RPGRIP1L: variants seen among roughly 807,000 people sequenced by gnomAD.
RPGRIP1L encodes the protein RPGRIP1 like, also known as protein fantom.
A neutral mutation model predicts 160.4 loss-of-function variants in RPGRIP1L; 131 were observed. The ratio of observed to expected loss-of-function variants is 0.82; its 90% CI spans 0.71 to 0.94. The LOEUF is 0.94. Among genes scored for constraint, RPGRIP1L ranks in the 40% least tolerant of loss-of-function variants. RPGRIP1L has a pLI of 0.00. For synonymous variants in RPGRIP1L, 510 were observed against 515.8 expected, an observed-to-expected ratio of 0.99 and a Z score of 0.15; for missense variants, 1,522 against 1,535.8, an observed-to-expected ratio of 0.99 and a Z score of 0.15.
intron 22 of RPGRIP1L, 69 bp downstream of exon 22, chr16:53,636,370 C>T: frequency 9.7e-7 from 1 of 1,033,378 alleles, no homozygotes; most frequent in Non-Finnish European, 1.5e-6. Context: ...TATATGAAGA[C>T]TACATATGTA....
chr16:53,624,446 A>G (rs371441687), intron 22 of RPGRIP1L, among the ~76,000 whole-genome samples: 1 of 151,978 alleles, frequency 6.6e-6, no homozygotes, highest in South Asian at 2.1e-4. Flanking sequence ...CGGGAGGCTG[A>G]GGCAGAAGAA....
intron 15 of RPGRIP1L, among the ~76,000 whole-genome samples, chr16:53,649,418 A>G (rs1353195972): frequency 6.6e-6 from 1 of 152,206 alleles, no homozygotes; most frequent in Non-Finnish European, 1.5e-5. Flanking sequence ...ACATTGGATC[A>G]AATACTCCAC....
rs768309044 is a variant in RPGRIP1L at position 53,696,347 on chromosome 16, G to A, written c.86-52C>T. ...GTGAGGTTACTTAAAATAGTCTCTA[G>A]AAACTCTTGATATTAATATAATCTC... On this transcript the variant is annotated intron_variant, in intron 2 of 26. Coordinates refer to ENST00000647211, the MANE Select transcript of RPGRIP1L (RefSeq NM_015272.5). The A allele has an allele frequency of 2.5e-6, 4 of 1,577,760 alleles. No individual in the cohort carries two copies. In the South Asian group the frequency reaches 4.4e-5, roughly 18 times the overall value.
At chr16:53,655,870 C>A (rs548158172) in intron 14 of RPGRIP1L, among the ~76,000 whole-genome samples, 290 of 152,186 alleles carry the variant, frequency 1.9e-3, no homozygotes, top group Non-Finnish European at 3.4e-3. Context: ...CTTCCTAGCA[C>A]AGGTGAGTAT....
Position 53,645,829 on chromosome 16 carries a change from T to C in RPGRIP1L, c.2479A>G (p.Thr827Ala). Residue 827 changes from threonine to alanine, a missense_variant, in exon 17 of 27, where the codon ACA becomes GCA. By Grantham distance (58) the Thr-to-Ala change is moderately conservative. Coordinates refer to ENST00000647211, the MANE Select transcript of RPGRIP1L (RefSeq NM_015272.5). ...TCATTGCTACTGGGAATGATAGCTG[T>C]ATCATGGTCTGCAAAATCAAAAAAC... ...YKFFDFADHD[T>A]AIIPSSNDPQ... 1 of 1,614,172 alleles carries C rather than the reference T, an allele frequency of 6.2e-7. No individual in the cohort carries two copies. Among genetic ancestry groups the C allele is most frequent in the Non-Finnish European group, 8.5e-7 (1 of 1,180,024 alleles).
intron 9 of RPGRIP1L, 43 bp downstream of exon 9, chr16:53,671,467 G>T: frequency 8.1e-7 from 1 of 1,240,954 alleles, no homozygotes; most frequent in Non-Finnish European, 1.2e-6. Context: ...ATATAAAAGA[G>T]CTCAAACAAG....
Position 53,600,508 on chromosome 16 carries a change from C to T in RPGRIP1L, c.*1568G>A, listed in dbSNP as rs897983933. 5 of 152,598 alleles carry T rather than the reference C, an allele frequency of 3.3e-5. No homozygotes were observed. Among genetic ancestry groups the T allele is most frequent in the African/African-American group, 1.2e-4 (5 of 41,440 alleles). The allele number at this position is 152,598 out of a possible 1,614,324, so 9.5% of individuals were successfully genotyped here. A position where few individuals can be genotyped will look rare whatever the true frequency, so the allele number is the denominator to read the frequency against. On this transcript the variant is annotated 3_prime_UTR_variant, in exon 27 of 27. Transcript: ENST00000647211. ...TGGTATAGACAGAATTTATAGATTT[C>T]TGTGGTCAGATCATACTCTACTGGT...
At chr16:53,650,419 G>C (rs1421452935) in intron 15 of RPGRIP1L, among the ~76,000 whole-genome samples, 2 of 152,118 alleles carry the variant, frequency 1.3e-5, no homozygotes, top group African/African-American at 4.8e-5. Flanking sequence ...ATATTTGCTT[G>C]TATATGCATA....
At chr16:53,699,770 G>A (rs959569594) in intron 2 of RPGRIP1L, among the ~76,000 whole-genome samples, 2 of 147,532 alleles carry the variant, frequency 1.4e-5, no homozygotes, top group African/African-American at 5.1e-5. Context: ...GTGAGCGGAG[G>A]TCGCGCCACT....
At chr16:53,636,939 T>C (rs1965871630) in intron 21 of RPGRIP1L, among the ~76,000 whole-genome samples, 1 of 117,726 alleles carries the variant, frequency 8.5e-6, no homozygotes, top group East Asian at 2.6e-4. Flanking sequence ...ACTGCAATAT[T>C]TGACACACAC....
rs2151056471 is a variant in RPGRIP1L, at chr16:53,641,023, T to C, written c.2958+10A>G. 1 of 1,577,408 alleles carries C rather than the reference T, an allele frequency of 6.3e-7. No individual in the cohort carries two copies. The highest frequency in any genetic ancestry group is 8.7e-7 in the Non-Finnish European group (1 of 1,146,550). ...TGAAAAAATCAGTATTTTCAGTGTC[T>C]ACTACTTACATCACTCTGATGTGGC... On this transcript the variant is annotated intron_variant, in intron 19 of 26. Coordinates refer to ENST00000647211, the MANE Select transcript of RPGRIP1L (RefSeq NM_015272.5).
At chr16:53,702,200 G>C (rs750676301) in intron 1 of RPGRIP1L, among the ~76,000 whole-genome samples, 1 of 152,150 alleles carries the variant, frequency 6.6e-6, no homozygotes, top group Non-Finnish European at 1.5e-5. Flanking sequence ...TTACTCAAAT[G>C]ATTCCTGCTT....
chr16:53,625,184 AC>A (rs1965013779), intron 22 of RPGRIP1L, among the ~76,000 whole-genome samples: 1 of 151,862 alleles, frequency 6.6e-6, no homozygotes, highest in South Asian at 2.1e-4. Context: ...CCCGGCCGCC[AC>A]CCCGTCTAGG....
intron 22 of RPGRIP1L, chr16:53,635,562 T>C (rs1336827805): frequency 6.6e-6 from 1 of 152,376 alleles, no homozygotes; most frequent in Non-Finnish European, 1.5e-5. Flanking sequence ...TGTGCTCACA[T>C]GATCCTCCTG....
In RPGRIP1L at chr16:53,695,331, A is replaced by G. The variant is rs777725262; in HGVS notation, c.230+820T>C. 1.7e-4 allele frequency: 116 copies of G among 702,824 alleles called. No homozygotes were observed. Among genetic ancestry groups the G allele is most frequent in the Middle Eastern group, 9.2e-4 (4 of 4,370 alleles). The allele number at this position is 702,824 out of a possible 1,614,324, so 43.5% of individuals were successfully genotyped here. A position where few individuals can be genotyped will look rare whatever the true frequency, so the allele number is the denominator to read the frequency against. ...CCAACTCAAAGTAAAAGGCCTGCACATAGCATGCCAGTGGGTTGTTGAAGT... is the reference window on the plus strand; with the variant it reads ...CCAACTCAAAGTAAAAGGCCTGCACGTAGCATGCCAGTGGGTTGTTGAAGT... On this transcript the variant is annotated intron_variant, in intron 3 of 26. Transcript: ENST00000647211.
intron 1 of RPGRIP1L, chr16:53,703,419 A>G (rs979883749): frequency 6.6e-6 from 1 of 152,404 alleles, no homozygotes; most frequent in African/African-American, 2.4e-5. Context: ...TATATAATTA[A>G]GCAAACAATA....
intron 23 of RPGRIP1L, 82 bp from the exon 24 acceptor site, chr16:53,619,290 T>A (rs1434603360): frequency 7.5e-7 from 1 of 1,330,008 alleles, no homozygotes; most frequent in Non-Finnish European, 1.1e-6. Flanking sequence ...CCACTATCAA[T>A]TTTAAATAAA....
Position 53,652,591 on chromosome 16 carries a change from TTTAA to T in RPGRIP1L, c.2092_2095del (p.Leu698AsnfsTer18). Reference sequence around the variant, plus strand: ...GCTTTTTTCAAGAATTTCGTGAAATTTTAATTGACATGCTGCAATTGTTTCATAT... The same window carrying T: ...GCTTTTTTCAAGAATTTCGTGAAATTTTGACATGCTGCAATTGTTTCATAT... On this transcript the variant is annotated frameshift_variant, in exon 15 of 27. Transcript: ENST00000647211. LOFTEE classifies it high-confidence loss of function. 3 of 1,614,156 alleles carry T rather than the reference TTTAA, an allele frequency of 1.9e-6. No homozygotes were observed. Among genetic ancestry groups the T allele is most frequent in the Non-Finnish European group, 1.7e-6 (2 of 1,180,010 alleles).
At chr16:53,633,396 A>G (rs1017178690) in intron 22 of RPGRIP1L, among the ~76,000 whole-genome samples, 3 of 152,206 alleles carry the variant, frequency 2.0e-5, no homozygotes, top group African/African-American at 7.2e-5. Context: ...TCCAATGAAG[A>G]ATATGTTACA....
Sources: gnomAD v4.1 joint callset for allele counts (sites outside exome capture counted in the v4.1 genomes callset) on GRCh38, gnomAD v4.1.1 for gene constraint, MANE v1.5 for transcripts, NCBI Gene and HGNC (gene_info 2026-07-23, HGNC 2026-07-21) for gene names.